MSI2: variants seen among roughly 807,000 people sequenced by gnomAD.
MSI2 encodes RNA-binding protein Musashi homolog 2.
A neutral mutation model predicts 45.6 loss-of-function variants in MSI2; 17 were observed. The observed-to-expected ratio is 0.37, with a 90% CI of 0.26 to 0.56. The LOEUF (loss-of-function observed/expected upper bound fraction) is 0.56. Among genes scored for constraint, MSI2 ranks in the 20% least tolerant of loss-of-function variants. The pLI is 0.77. For missense variants in MSI2, 293 were observed against 444.2 expected, an observed-to-expected ratio of 0.66 and a Z score of 3.06; for synonymous variants, 156 against 158.2, an observed-to-expected ratio of 0.99 and a Z score of 0.11.
intron 5 of MSI2, among the ~76,000 whole-genome samples, chr17:57,373,204 TG>T (rs907108818): frequency 6.8e-6 from 1 of 147,682 alleles, no homozygotes; most frequent in Non-Finnish European, 1.5e-5. Context: ...GAGCTGAGAT[TG>T]CGCCACTGCA....
intron 7 of MSI2, among the ~76,000 whole-genome samples, chr17:57,536,155 T>A (rs1043028807): frequency 6.6e-6 from 1 of 152,220 alleles, no homozygotes; most frequent in Non-Finnish European, 1.5e-5. Flanking sequence ...TTAAAATAAT[T>A]TAAAGCATTG....
At position 57,680,467 on chromosome 17, in the gene MSI2, C is replaced by T. The variant is rs983207782; in HGVS notation, c.*950C>T. The T allele has an allele frequency of 4.4e-5, 10 of 228,798 alleles. No individual in the cohort carries two copies. In the Admixed American group the frequency reaches 5.1e-4, roughly 12 times the overall value. The allele number at this position is 228,798 out of a possible 1,614,324, so 14.2% of individuals were successfully genotyped here. ...TCTGTGGAAGGAGGCGGGAAGGGAA[C>T]GTTGGCCAAGTCAGTTACTGAGATG... On this transcript the variant is annotated 3_prime_UTR_variant, in exon 14 of 14. Transcript: ENST00000284073.
chr17:57,638,701 G>C (rs568300351), intron 10 of MSI2, among the ~76,000 whole-genome samples: 1 of 152,270 alleles, frequency 6.6e-6, no homozygotes, highest in East Asian at 1.9e-4. Context: ...ACCAGCCTGG[G>C]CAACATAGTG....
chr17:57,570,959 G>A (rs75779695), intron 7 of MSI2, among the ~76,000 whole-genome samples: 7,466 of 152,260 alleles, frequency 0.049, 242 homozygotes, highest in Non-Finnish European at 0.074. Context: ...CAGCAGTGAC[G>A]GCCTCTGGGG....
chr17:57,313,282 T>TCTGA (rs111860706), intron 5 of MSI2, among the ~76,000 whole-genome samples: 1,636 of 152,232 alleles, frequency 0.011, 29 homozygotes, highest in African/African-American at 0.037. Context: ...CTCTGTTTGG[T>TCTGA]CTCCTTTTCT....
chr17:57,658,088 G>T (rs1911735837), intron 11 of MSI2, among the ~76,000 whole-genome samples: 1 of 152,200 alleles, frequency 6.6e-6, no homozygotes, highest in Non-Finnish European at 1.5e-5. Flanking sequence ...ATCTGATGGG[G>T]GGCGGAGCGG....
At chr17:57,451,061 G>T (rs947216767) in intron 6 of MSI2, among the ~76,000 whole-genome samples, 8 of 152,090 alleles carry the variant, frequency 5.3e-5, no homozygotes, top group African/African-American at 1.9e-4. Flanking sequence ...CATAATCCAG[G>T]TTAAGATTGA....
chr17:57,631,844 G>T (rs1909399711), intron 10 of MSI2: 1 of 1,612,996 alleles, frequency 6.2e-7, no homozygotes, highest in East Asian at 2.2e-5. Flanking sequence ...CTTAAGAGAG[G>T]CATAGCAAAG....
chr17:57,659,768 C>G (rs886285320), intron 11 of MSI2, among the ~76,000 whole-genome samples: 2 of 152,212 alleles, frequency 1.3e-5, no homozygotes, highest in African/African-American at 4.8e-5. Flanking sequence ...CATGTAGGGA[C>G]AGCCCAAGTA....
intron 5 of MSI2, among the ~76,000 whole-genome samples, chr17:57,325,560 C>G (rs1033020005): frequency 6.6e-6 from 1 of 152,214 alleles, no homozygotes; most frequent in African/African-American, 2.4e-5. Context: ...GCACCGGTTG[C>G]CCCCTCGGCC....
Position 57,316,420 on chromosome 17 carries a change from C to T in MSI2, c.312+54228C>T, listed in dbSNP as rs536499676. Among the ~76,000 whole-genome samples, 20 of 151,946 alleles carry T rather than the reference C, an allele frequency of 1.3e-4. No homozygotes were observed. The South Asian group carries it at 2.5e-3, about 19-fold the overall frequency. ...ATGGCTCACTGTACCCTTGACCTCC[C>T]GGGTTCAAGCAATCCTGCTTCAGCC... On this transcript the variant is annotated intron_variant, in intron 5 of 13. Coordinates refer to ENST00000284073, the MANE Select transcript of MSI2 (RefSeq NM_138962.4).
In MSI2 at chr17:57,612,163, A is replaced by T; in HGVS notation, c.538-3807A>T. Among the ~76,000 whole-genome samples, 5 of 95,562 alleles carry T rather than the reference A, an allele frequency of 5.2e-5. 2 individuals carry two copies. The highest frequency in any genetic ancestry group is 7.5e-5 in the Non-Finnish European group (3 of 39,782). 62.7% of individuals were successfully genotyped at this position (95,562 alleles called of 152,430 possible). ...GCTAACTCAAGACGCTCGAGAGGCT[A>T]ACAAGTGCAGAAGCAGCGAGGGGCA... On this transcript the variant is annotated intron_variant, in intron 8 of 13. Transcript: ENST00000284073.
chr17:57,565,123 T>C (rs572578354), intron 7 of MSI2, among the ~76,000 whole-genome samples: 118 of 152,342 alleles, frequency 7.7e-4, no homozygotes, highest in Non-Finnish European at 1.5e-3. Flanking sequence ...AAAGGTGGTC[T>C]GACTTGAGAG....
At chr17:57,413,936 G>A (rs2084244801) in intron 6 of MSI2, among the ~76,000 whole-genome samples, 1 of 151,946 alleles carries the variant, frequency 6.6e-6, no homozygotes, top group African/African-American at 2.4e-5. Flanking sequence ...TCATTCAGCA[G>A]ACCTTGATTA....
At chr17:57,667,231 C>T (rs190247703) in intron 11 of MSI2, among the ~76,000 whole-genome samples, 3 of 152,296 alleles carry the variant, frequency 2.0e-5, no homozygotes, top group Non-Finnish European at 2.9e-5. Flanking sequence ...AAATTCTAAC[C>T]TGTGTGGGCC....
At chr17:57,590,841 C>T (rs902163598) in intron 7 of MSI2, among the ~76,000 whole-genome samples, 1 of 152,168 alleles carries the variant, frequency 6.6e-6, no homozygotes, top group African/African-American at 2.4e-5. Flanking sequence ...TTGTTTCTCC[C>T]ACCTCCCCTA....
intron 7 of MSI2, among the ~76,000 whole-genome samples, chr17:57,586,037 CAGT>C (rs1175076486): frequency 6.6e-6 from 1 of 152,246 alleles, no homozygotes; most frequent in Non-Finnish European, 1.5e-5. Context: ...CACTTAACAG[CAGT>C]AATATGTTTC....
intron 6 of MSI2, among the ~76,000 whole-genome samples, chr17:57,499,203 C>A (rs915140736): frequency 2.0e-5 from 3 of 151,542 alleles, no homozygotes; most frequent in Admixed American, 2.0e-4. Flanking sequence ...TGGCACAACC[C>A]CCTCTATACT....
chr17:57,692,719 T>G, the MSI2 span, among the ~76,000 whole-genome samples: 2 of 151,912 alleles, frequency 1.3e-5, no homozygotes, highest in Admixed American at 1.3e-4. Flanking sequence ...TGACAGGTTT[T>G]GTTTTGTTTT....
Sources: gnomAD v4.1 joint callset for allele counts (sites outside exome capture counted in the v4.1 genomes callset) on GRCh38, gnomAD v4.1.1 for gene constraint, MANE v1.5 for transcripts, NCBI Gene and HGNC (gene_info 2026-07-23, HGNC 2026-07-21) for gene names.